The following ZNF207 variants were observed in gnomAD, a reference collection of about 807,000 sequenced individuals.
ZNF207 encodes the protein zinc finger protein 207, also known as BUB3-interacting and GLEBS motif-containing protein ZNF207.
Under a neutral mutation model 60.2 loss-of-function variants are expected in ZNF207, and 24 were observed. That is an observed-to-expected ratio of 0.40 (90% confidence interval 0.29 to 0.56). The LOEUF is 0.56. Among genes scored for constraint, ZNF207 ranks in the 20% least tolerant of loss-of-function variants. The pLI, the probability that ZNF207 is intolerant of heterozygous loss-of-function variation, is 0.49. For missense variants in ZNF207, 452 were observed against 636.6 expected, an observed-to-expected ratio of 0.71 and a Z score of 3.12; for synonymous variants, 236 against 194.7, an observed-to-expected ratio of 1.21 and a Z score of -1.77.
At position 32,365,322 on chromosome 17, in the gene ZNF207, C is replaced by T. The variant is rs1345822706; in HGVS notation, c.671-8C>T. On this transcript the variant is annotated splice_region_variant and splice_polypyrimidine_tract_variant and intron_variant, in intron 7 of 11. Transcript: ENST00000394670. The stretch of plus-strand genomic sequence containing the variant: ...GACTCAATTTCCCCAAACATTTCTT[C>T]TCTGCAGGTATGCCCCCACCTGTTC... 10 of 1,602,746 alleles carry T rather than the reference C, an allele frequency of 6.2e-6. No individual in the cohort carries two copies. Among genetic ancestry groups the T allele is most frequent in the African/African-American group, 4.0e-5 (3 of 74,476 alleles).
At chr17:32,368,421 G>C (rs1005621442) in intron 10 of ZNF207, 3 of 184,794 alleles carry the variant, frequency 1.6e-5, no homozygotes, top group Admixed American at 5.6e-5. Context: ...GTTGATAATG[G>C]CCAGGTGTGG....
chr17:32,363,669 G>A lies in ZNF207; in HGVS notation c.670+685G>A, dbSNP rs534684595. Among the ~76,000 whole-genome samples, 16 of 149,852 alleles carry A rather than the reference G, an allele frequency of 1.1e-4. 1 individual carries two copies. In the East Asian group the frequency reaches 1.6e-3, roughly 15 times the overall value. On this transcript the variant is annotated intron_variant, in intron 7 of 11. Transcript: ENST00000394670. ...GCCTCAGCCTCCCGAGTAGCTGGGA[G>A]TACAGGCGCCCACTACCACGCCTGG...
In ZNF207 at chr17:32,364,351, G is replaced by A. The variant is rs1279530363; in HGVS notation, c.671-979G>A. ...GATGTGCCACACGAGGCTATTAGTTGTTTTTTTTTCTTTTTTTTTTTTTTG... is the reference window on the plus strand; with the variant it reads ...GATGTGCCACACGAGGCTATTAGTTATTTTTTTTTCTTTTTTTTTTTTTTG... On this transcript the variant is annotated intron_variant, in intron 7 of 11. Transcript: ENST00000394670. Among the ~76,000 whole-genome samples the A allele has an allele frequency of 5.7e-5, 8 of 139,870 alleles. No individual in the cohort carries two copies. The South Asian group carries it at 1.8e-3, about 31-fold the overall frequency. 91.8% of individuals were successfully genotyped at this position (139,870 alleles called of 152,430 possible). A position where few individuals can be genotyped will look rare whatever the true frequency, so the allele number is the denominator to read the frequency against.
At chr17:32,351,514 C>T (rs2041507095) in intron 1 of ZNF207, 4 of 1,504,914 alleles carry the variant, frequency 2.7e-6, no homozygotes, top group Non-Finnish European at 3.5e-6. Flanking sequence ...TCACCGACAT[C>T]TCTGTTAAAC....
Position 32,366,729 on chromosome 17 carries a change from C to G in ZNF207, c.893C>G (p.Ser298Cys). ...AATTCAGAAAGTCTGTCTGCATCTT[C>G]TAAAGCTCTGTTTCCTAGCACAGCA... is the stretch of plus-strand genomic sequence containing the variant. The part of the protein sequence containing the change: ...SSNSESLSAS[S>C]KALFPSTAQA... The change falls in exon 9 of 12, where the codon TCT (serine) becomes TGT (cysteine). Residue 298 changes from serine to cysteine, a missense_variant. Ser to Cys is a moderately radical substitution (Grantham distance 112). Around this residue, in one of 2 missense-constraint regions of ZNF207, gnomAD observed 390 missense variants for 461.4 expected, o/e 0.85. Transcript: ENST00000394670. The G allele has an allele frequency of 1.2e-6, 2 of 1,611,188 alleles. No individual in the cohort carries two copies. The highest frequency in any genetic ancestry group is 1.7e-6 in the Non-Finnish European group (2 of 1,179,002).
chr17:32,360,186 C>CA (rs1555606146), intron 3 of ZNF207, among the ~76,000 whole-genome samples: 1,125 of 51,892 alleles, frequency 0.022, 15 homozygotes, highest in Non-Finnish European at 0.026. Flanking sequence ...ACCCCCCCCC[C>CA]AAAAAAAAAA....
At chr17:32,360,385 A>G (rs1904801759) in intron 3 of ZNF207, among the ~76,000 whole-genome samples, 1 of 152,134 alleles carries the variant, frequency 6.6e-6, no homozygotes, top group South Asian at 2.1e-4. Context: ...TAGGATAATC[A>G]TTTTACCTTT....
intron 6 of ZNF207, 22 bp from the exon 7 acceptor site, chr17:32,362,892 C>G: frequency 6.2e-7 from 1 of 1,610,224 alleles, no homozygotes; most frequent in South Asian, 1.1e-5. Flanking sequence ...CTTACTGTTT[C>G]TTGAAATTTG....
rs191040270 is a variant in ZNF207, at chr17:32,378,222, T to G, written c.*8463T>G. On this transcript the variant is annotated 3_prime_UTR_variant, in exon 12 of 12. Transcript: ENST00000394670. ...TGTGGTTCAACCTAAGTAGATACAT[T>G]GTACATAAAAGGAAAAGACAGTTTC... The G allele has an allele frequency of 1.8e-4, 27 of 152,132 alleles. No homozygotes were observed. Among genetic ancestry groups the G allele is most frequent in the Admixed American group, 1.7e-3 (26 of 15,274 alleles). The allele number at this position is 152,132 out of a possible 1,614,324, so 9.4% of individuals were successfully genotyped here.
intron 9 of ZNF207, among the ~76,000 whole-genome samples, chr17:32,367,316 G>T (rs1427002191): frequency 8.1e-6 from 1 of 122,956 alleles, no homozygotes; most frequent in African/African-American, 2.9e-5. Flanking sequence ...TATTTTTATT[G>T]TGTCACCATT....
intron 2 of ZNF207, among the ~76,000 whole-genome samples, chr17:32,356,947 T>C (rs1209080919): frequency 6.6e-6 from 1 of 152,142 alleles, no homozygotes; most frequent in Non-Finnish European, 1.5e-5. Context: ...TTTAGGACAC[T>C]GAGGTGGGTG....
chr17:32,350,193 T>C lies in ZNF207; in HGVS notation c.-93T>C. On this transcript the variant is annotated 5_prime_UTR_variant, in exon 1 of 12. Coordinates refer to ENST00000394670, the MANE Select transcript of ZNF207 (RefSeq NM_001098507.2). ...TGTGTCTGCTTCCTGTGGGACGTGG[T>C]GGTAGCCGTTGGGTTGGGAAAGTGA... 2 of 1,569,054 alleles carry C rather than the reference T, an allele frequency of 1.3e-6. No individual in the cohort carries two copies. The highest frequency in any genetic ancestry group is 2.2e-5 in the South Asian group (2 of 89,964).
chr17:32,359,556 T>A (rs1348095188), intron 3 of ZNF207, among the ~76,000 whole-genome samples: 1 of 151,432 alleles, frequency 6.6e-6, no homozygotes, highest in Admixed American at 6.6e-5. Context: ...CCCCTTGTGA[T>A]AATATTCTTT....
chr17:32,351,709 T>C lies in ZNF207; in HGVS notation c.42-77T>C, dbSNP rs995106682. ...ATTTTGGTTTTAGCTGTTCCCATAT[T>C]GTAATGTTATCCATATGTTTTTATT... is the stretch of plus-strand genomic sequence containing the variant. On this transcript the variant is annotated intron_variant, in intron 1 of 11. Coordinates refer to ENST00000394670, the MANE Select transcript of ZNF207 (RefSeq NM_001098507.2). 3.7e-6 allele frequency: 6 copies of C among 1,611,502 alleles called. No homozygotes were observed. In the African/African-American group the frequency reaches 8.0e-5, roughly 22 times the overall value.
At chr17:32,357,588 C>G (rs1904620839) in intron 2 of ZNF207, among the ~76,000 whole-genome samples, 2 of 151,632 alleles carry the variant, frequency 1.3e-5, no homozygotes, top group Admixed American at 1.3e-4. Flanking sequence ...ACCTCGTGAT[C>G]CGCCCGCCTC....
intron 2 of ZNF207, among the ~76,000 whole-genome samples, chr17:32,356,072 A>C (rs1320824408): frequency 6.6e-6 from 1 of 152,210 alleles, no homozygotes; most frequent in Non-Finnish European, 1.5e-5. Context: ...TTTCACAGCA[A>C]CCTGTGAGAT....
intron 9 of ZNF207, among the ~76,000 whole-genome samples, chr17:32,367,088 G>C (rs1443432979): frequency 1.3e-5 from 2 of 151,252 alleles, no homozygotes; most frequent in Non-Finnish European, 2.9e-5. Flanking sequence ...TACTGCTTTG[G>C]TTCTAAAGTT....
rs759953589 is a variant in ZNF207 at position 32,365,333 on chromosome 17, T to C, written c.674T>C (p.Met225Thr). Residue 225 changes from methionine to threonine, a missense_variant, in exon 8 of 12, where the codon ATG (methionine) becomes ACG (threonine). Physicochemically the swap from Met to Thr is moderately conservative, Grantham distance 81. Coordinates refer to ENST00000394670, the MANE Select transcript of ZNF207 (RefSeq NM_001098507.2). ...CCCAAACATTTCTTCTCTGCAGGTA[T>C]GCCCCCACCTGTTCCACGTCCTGGA... is the stretch of plus-strand genomic sequence containing the variant. ...PPLMPGMPPG[M>T]PPPVPRPGIP... The C allele has an allele frequency of 2.5e-6, 4 of 1,610,446 alleles. No homozygotes were observed. Among genetic ancestry groups the C allele is most frequent in the Non-Finnish European group, 3.4e-6 (4 of 1,177,976 alleles).
In ZNF207 at chr17:32,366,709, A is replaced by G. The variant is rs1905178708; in HGVS notation, c.873A>G (p.Ser291=). The G allele has an allele frequency of 6.2e-7, 1 of 1,611,928 alleles. No individual in the cohort carries two copies. The highest frequency in any genetic ancestry group is 8.5e-7 in the Non-Finnish European group (1 of 1,179,298). ...VTSSSTASSN[S]ESLSASSKAL... is the part of the protein sequence containing the mutation. ...GCTCAAGTACAGCTTCATCCAATTC[A>G]GAAAGTCTGTCTGCATCTTCTAAAG... The change falls in exon 9 of 12, where the codon TCA becomes TCG. Residue 291 remains serine, a synonymous_variant. Coordinates refer to ENST00000394670, the MANE Select transcript of ZNF207 (RefSeq NM_001098507.2).
Sources: allele counts gnomAD v4.1 joint callset (sites outside exome capture counted in the v4.1 genomes callset), GRCh38; gene constraint gnomAD v4.1.1; regional missense constraint gnomAD v4.1.1; transcripts MANE v1.5; gene names NCBI Gene and HGNC (gene_info 2026-07-23, HGNC 2026-07-21).